SLC9A7: variants seen among roughly 807,000 people sequenced by gnomAD.
The protein encoded by SLC9A7 is sodium/hydrogen exchanger 7.
Under a neutral mutation model 52.6 loss-of-function variants are expected in SLC9A7, and 19 were observed. That is an observed-to-expected ratio of 0.36 (90% CI 0.25 to 0.53). The LOEUF (loss-of-function observed/expected upper bound fraction) is 0.53, where lower values mean the gene tolerates loss of function less well. Among genes scored for constraint, SLC9A7 ranks in the 20% least tolerant of loss-of-function variants. The probability of loss-of-function intolerance (pLI) is 0.91; values close to 1 mark genes in which losing one functional copy is unlikely to be tolerated. For missense variants in SLC9A7, 455 were observed against 597.9 expected (o/e 0.76, Z 2.49); for synonymous variants, 226 against 252.1 (o/e 0.90, Z 0.98).
At chrX:46,755,823 G>GAA (rs10718607) in intron 1 of SLC9A7, among the ~76,000 whole-genome samples, 58 of 73,884 alleles carry the variant, frequency 7.9e-4, no homozygotes, top group African/African-American at 2.9e-3. Flanking sequence ...CTCCGTCTTG[G>GAA]AAAAAAAAAA....
At chrX:46,651,250 G>A in intron 9 of SLC9A7, 27 bp from the exon 10 acceptor site, 1 of 1,177,929 alleles carries the variant, frequency 8.5e-7, no homozygotes, top group Non-Finnish European at 1.2e-6. Context: ...AAAGGAAGCT[G>A]TAACCCTGCA....
intron 1 of SLC9A7, among the ~76,000 whole-genome samples, chrX:46,717,932 A>G (rs1187014238): frequency 9.0e-6 from 1 of 111,715 alleles, no homozygotes; most frequent in Non-Finnish European, 1.9e-5. Flanking sequence ...TCTTCACAGA[A>G]TTGGAAAAAA....
intron 1 of SLC9A7, among the ~76,000 whole-genome samples, chrX:46,706,148 T>C (rs1944601996): frequency 9.3e-6 from 1 of 107,021 alleles, no homozygotes; most frequent in African/African-American, 3.4e-5. Context: ...GTATTGTAGC[T>C]ATATTTTTAC....
intron 1 of SLC9A7, among the ~76,000 whole-genome samples, chrX:46,730,082 A>C (rs1042046224): frequency 4.5e-5 from 5 of 111,497 alleles, no homozygotes; most frequent in African/African-American, 1.3e-4. Context: ...ATGTCAAAAT[A>C]CACTCTGGGG....
chrX:46,623,043 A>C (rs1316607383), intron 14 of SLC9A7, among the ~76,000 whole-genome samples: 2 of 112,678 alleles, frequency 1.8e-5, no homozygotes, highest in African/African-American at 6.5e-5. Flanking sequence ...CAGAAGCATG[A>C]TTAGGTATAG....
chrX:46,757,017 T>A (rs1556292919), intron 1 of SLC9A7, among the ~76,000 whole-genome samples: 1 of 112,436 alleles, frequency 8.9e-6, no homozygotes, highest in Non-Finnish European at 1.9e-5. Context: ...TGAGCATGTG[T>A]TTACGAATCT....
chrX:46,737,532 T>C (rs1402095988), intron 1 of SLC9A7, among the ~76,000 whole-genome samples: 5 of 111,927 alleles, frequency 4.5e-5, no homozygotes, highest in African/African-American at 1.6e-4. Flanking sequence ...TTTCCATTTG[T>C]CCAGCTTTTT....
intron 1 of SLC9A7, among the ~76,000 whole-genome samples, chrX:46,707,550 T>C (rs961455614): frequency 2.7e-5 from 3 of 112,219 alleles, no homozygotes; most frequent in African/African-American, 9.7e-5. Flanking sequence ...CCTGACTACA[T>C]GGGCAAAATG....
At chrX:46,707,585 T>C (rs192463700) in intron 1 of SLC9A7, among the ~76,000 whole-genome samples, 1 of 112,535 alleles carries the variant, frequency 8.9e-6, no homozygotes, top group African/African-American at 3.2e-5. Flanking sequence ...AATTTTTCTG[T>C]GTGAGACTAA....
intron 14 of SLC9A7, among the ~76,000 whole-genome samples, chrX:46,626,519 C>G (rs913988470): frequency 8.9e-6 from 1 of 112,807 alleles, no homozygotes; most frequent in Non-Finnish European, 1.9e-5. Context: ...AGGTGATCCA[C>G]CTGCCTTGGC....
intron 1 of SLC9A7, among the ~76,000 whole-genome samples, chrX:46,694,965 A>G (rs1420311857): frequency 8.9e-6 from 1 of 112,361 alleles, no homozygotes; most frequent in East Asian, 2.8e-4. Flanking sequence ...GCTCAGTGAA[A>G]GCCAGTCACA....
chrX:46,625,568 G>T (rs1345210314), intron 14 of SLC9A7, among the ~76,000 whole-genome samples: 3 of 110,311 alleles, frequency 2.7e-5, no homozygotes, highest in Non-Finnish European at 5.7e-5. Context: ...AAATTAGCTG[G>T]GTGTGGTGGC....
rs757195273 is a variant in SLC9A7 at position 46,669,694 on chromosome X, G to A, written c.706C>T (p.Leu236Phe). 2.7e-5 allele frequency: 31 copies of A among 1,159,064 alleles called. No homozygotes were observed. The Middle Eastern group carries it at 7.1e-4, about 27-fold the overall frequency. ...GAGAGCTGTCCCATAATCTTCATGA[G>A]CTTCACCACACCATACATGAGATTT... ...IGNLMYGVVK[L>F]MKIMGQLSDK... The change falls in exon 5 of 17, where the codon CTC becomes TTC. Residue 236 changes from leucine (L) to phenylalanine (F), a missense_variant. This residue lies in a region of SLC9A7 where 304 missense variants were observed against 417.8 expected (regional missense o/e 0.73). Transcript: ENST00000616978.
intron 4 of SLC9A7, among the ~76,000 whole-genome samples, chrX:46,670,016 C>T (rs892249087): frequency 8.9e-5 from 10 of 111,956 alleles, no homozygotes; most frequent in East Asian, 8.4e-4. Context: ...AGGCATTTGA[C>T]GCAACTGGGT....
chrX:46,736,919 T>C (rs887674570), intron 1 of SLC9A7, among the ~76,000 whole-genome samples: 2 of 111,649 alleles, frequency 1.8e-5, no homozygotes, highest in African/African-American at 6.5e-5. Flanking sequence ...TCTGATTAAT[T>C]TGCAATATTA....
chrX:46,688,940 AT>A (rs1195706229), intron 1 of SLC9A7, among the ~76,000 whole-genome samples: 1 of 110,152 alleles, frequency 9.1e-6, no homozygotes, highest in Admixed American at 9.7e-5. Context: ...TATGACCTAT[AT>A]TTTTCCTTTC....
chrX:46,603,088 C>T lies in SLC9A7; in HGVS notation c.*3864G>A, dbSNP rs950798555. Reference sequence around the variant, plus strand: ...GGAGACCAGCCTGCATTTCCAGCTTCCTAACACACAAAGAAAGGCCGGGGT... The same window carrying T: ...GGAGACCAGCCTGCATTTCCAGCTTTCTAACACACAAAGAAAGGCCGGGGT... On this transcript the variant is annotated 3_prime_UTR_variant, in exon 17 of 17. Coordinates refer to ENST00000616978, the MANE Select transcript of SLC9A7 (RefSeq NM_001257291.2). The T allele has an allele frequency of 2.7e-5, 3 of 111,626 alleles. No homozygotes were observed. Among genetic ancestry groups the T allele is most frequent in the East Asian group, 2.8e-4 (1 of 3,567 alleles). 9.2% of individuals were successfully genotyped at this position (111,626 alleles called of 1,213,427 possible). A position where few individuals can be genotyped will look rare whatever the true frequency, so the allele number is the denominator to read the frequency against.
chrX:46,631,753 C>T (rs544356044), intron 13 of SLC9A7, 104 bp from the exon 14 acceptor site: 11 of 609,118 alleles, frequency 1.8e-5, no homozygotes, highest in Admixed American at 2.9e-5. Flanking sequence ...ATCATCTTCC[C>T]GAAGCATAAG....
chrX:46,626,248 A>G (rs1943126240), intron 14 of SLC9A7, among the ~76,000 whole-genome samples: 1 of 112,709 alleles, frequency 8.9e-6, no homozygotes, highest in Non-Finnish European at 1.9e-5. Context: ...GAGTAAATAA[A>G]TGATGTCACT....
Sources: gnomAD v4.1 joint callset for allele counts (sites outside exome capture counted in the v4.1 genomes callset) on GRCh38, gnomAD v4.1.1 for gene constraint, gnomAD v4.1.1 regional missense constraint, MANE v1.5 for transcripts, NCBI Gene and HGNC (gene_info 2026-07-23, HGNC 2026-07-21) for gene names.